ANKRD11: variants seen among roughly 807,000 people sequenced by gnomAD.
ANKRD11 encodes the protein ankyrin repeat domain-containing protein 11.
Under a neutral mutation model 195.7 loss-of-function variants are expected in ANKRD11, and 17 were observed. That is an observed-to-expected ratio of 0.09 (90% CI 0.06 to 0.13). The LOEUF (loss-of-function observed/expected upper bound fraction) is 0.13, where lower values mean the gene tolerates loss of function less well. Among genes scored for constraint, ANKRD11 ranks in the 10% least tolerant of loss-of-function variants. The probability of loss-of-function intolerance (pLI) is 1.00; values close to 1 mark genes in which losing one functional copy is unlikely to be tolerated. For synonymous variants in ANKRD11, 1,953 were observed against 1,528.1 expected (o/e 1.28, Z -6.49); for missense variants, 3,735 against 3,566.1 (o/e 1.05, Z -1.21).
In ANKRD11 at chr16:89,274,794, G is replaced by C. The variant is rs1360307511; in HGVS notation, c.7713+20C>G. 5.0e-6 allele frequency: 8 copies of C among 1,607,530 alleles called. No homozygotes were observed. Among genetic ancestry groups the C allele is most frequent in the Non-Finnish European group, 6.8e-6 (8 of 1,179,816 alleles). ...TGCAGGCACTTGGACTCATGGGCCTGGCATGCAGACGGGCCCTACCTGGCT... is the reference window on the plus strand; with the variant it reads ...TGCAGGCACTTGGACTCATGGGCCTCGCATGCAGACGGGCCCTACCTGGCT... On this transcript the variant is annotated intron_variant, in intron 11 of 12. Coordinates refer to ENST00000301030, the MANE Select transcript of ANKRD11 (RefSeq NM_013275.6).
At position 89,305,342 on chromosome 16, in the gene ANKRD11, A is replaced by G. The variant is rs2036122844; in HGVS notation, c.90T>C (p.Asp30=). 6.2e-7 allele frequency: 1 copy of G among 1,613,810 alleles called. No homozygotes were observed. The highest frequency in any genetic ancestry group is 1.7e-5 in the Admixed American group (1 of 59,988). ...DMVEKQTGKK[D]KDKVSLTKTP... is the part of the protein sequence containing the mutation. ...TCTTGGTTAGAGAAACTTTATCTTT[A>G]TCCTAGAAAAGAAAGGGATGCTTTC... The change falls in exon 4 of 13, where the codon GAT becomes GAC. Residue 30 remains aspartate (D), a splice_region_variant and synonymous_variant. Transcript: ENST00000301030.
intron 2 of ANKRD11, among the ~76,000 whole-genome samples, chr16:89,336,451 T>TA (rs1347346526): frequency 2.6e-5 from 4 of 152,072 alleles, no homozygotes; most frequent in Admixed American, 2.6e-4. Context: ...AGGGACCAGG[T>TA]GAACACTGAA....
At chr16:89,308,831 A>G (rs3096302) in intron 3 of ANKRD11, among the ~76,000 whole-genome samples, 135,850 of 152,222 alleles carry the variant, frequency 0.89, 60,712 homozygotes, top group Middle Eastern at 0.96. Flanking sequence ...GAGAACGGGG[A>G]CGTGCAGCAT....
At chr16:89,318,962 G>A (rs553440511) in intron 2 of ANKRD11, among the ~76,000 whole-genome samples, 1 of 152,116 alleles carries the variant, frequency 6.6e-6, no homozygotes, top group African/African-American at 2.4e-5. Flanking sequence ...CCACAAAACC[G>A]GAATGTCTCA....
intron 2 of ANKRD11, among the ~76,000 whole-genome samples, chr16:89,408,536 G>A (rs1304691446): frequency 1.3e-5 from 2 of 152,228 alleles, no homozygotes; most frequent in Non-Finnish European, 2.9e-5. Context: ...GCATCTGGCA[G>A]GAGTGTAACA....
At chr16:89,441,899 C>T (rs1303688515) in intron 1 of ANKRD11, among the ~76,000 whole-genome samples, 4 of 151,776 alleles carry the variant, frequency 2.6e-5, no homozygotes, top group Non-Finnish European at 5.9e-5. Flanking sequence ...ATGGCACTCA[C>T]CAAAAAGGCA....
intron 2 of ANKRD11, among the ~76,000 whole-genome samples, chr16:89,354,454 C>T (rs2039375895): frequency 6.6e-6 from 1 of 152,214 alleles, no homozygotes; most frequent in South Asian, 2.1e-4. Context: ...GCAGAGCCAG[C>T]CCACCTCCCT....
intron 1 of ANKRD11, among the ~76,000 whole-genome samples, chr16:89,452,779 C>CAA (rs11401095): frequency 0.03 from 2,181 of 72,490 alleles, 105 homozygotes; most frequent in African/African-American, 0.084. Flanking sequence ...GACTCTATCT[C>CAA]AAAAAAAAAA....
At chr16:89,269,247 TG>T (rs1428286661) in intron 12 of ANKRD11, among the ~76,000 whole-genome samples, 1 of 151,066 alleles carries the variant, frequency 6.6e-6, no homozygotes, top group Non-Finnish European at 1.5e-5. Flanking sequence ...CCTTGACCTC[TG>T]GGGCTCAAGG....
In ANKRD11 at chr16:89,355,280, C is replaced by T. The variant is rs536647450; in HGVS notation, c.-59-38202G>A. Among the ~76,000 whole-genome samples, 7 of 151,856 alleles carry T rather than the reference C, an allele frequency of 4.6e-5. No individual in the cohort carries two copies. In the East Asian group the frequency reaches 9.7e-4, roughly 21 times the overall value. ...GCTCGGAAGGCGGGCAGAGGGCTCA[C>T]ACCCTGAGGCTCGGAAGGCGGGCGG... On this transcript the variant is annotated intron_variant, in intron 2 of 12. Coordinates refer to ENST00000301030, the MANE Select transcript of ANKRD11 (RefSeq NM_013275.6).
At chr16:89,295,345 C>T (rs1374160801) in intron 4 of ANKRD11, among the ~76,000 whole-genome samples, 2 of 151,508 alleles carry the variant, frequency 1.3e-5, no homozygotes, top group East Asian at 2.0e-4. Flanking sequence ...CACCTGTGTC[C>T]GCTGACCTGA....
At chr16:89,480,024 ATG>A (rs2057392500) in intron 1 of ANKRD11, among the ~76,000 whole-genome samples, 2 of 146,464 alleles carry the variant, frequency 1.4e-5, no homozygotes, top group African/African-American at 5.0e-5. Flanking sequence ...GGCAGGAGAA[ATG>A]CTTGAACCCG....
intron 1 of ANKRD11, among the ~76,000 whole-genome samples, chr16:89,421,023 GCAGA>G (rs910674088): frequency 1.2e-4 from 18 of 152,390 alleles, no homozygotes; most frequent in African/African-American, 1.7e-4. Context: ...GAGGCTGAGT[GCAGA>G]CAGAGACCAT....
At position 89,374,772 on chromosome 16, in the gene ANKRD11, G is replaced by C. The variant is rs181873683; in HGVS notation, c.-60+43512C>G. Among the ~76,000 whole-genome samples, 92 of 152,300 alleles carry C rather than the reference G, an allele frequency of 6.0e-4. 2 individuals carry two copies. The highest frequency in any genetic ancestry group is 6.0e-3 in the Admixed American group (92 of 15,294). On this transcript the variant is annotated intron_variant, in intron 2 of 12. Transcript: ENST00000301030. ...GCTGAAGAACTCCATGATGAACGTG[G>C]ACACACACGTGTGCACAGAGCTGAC...
chr16:89,383,492 G>A (rs919601934), intron 2 of ANKRD11, among the ~76,000 whole-genome samples: 1 of 152,188 alleles, frequency 6.6e-6, no homozygotes, highest in African/African-American at 2.4e-5. Context: ...TCAAAACCTC[G>A]GGGCCATGTC....
rs1221037348 is a variant in ANKRD11 at position 89,274,810 on chromosome 16, C to G, written c.7713+4G>C. On this transcript the variant is annotated splice_donor_region_variant and intron_variant, in intron 11 of 12. Coordinates refer to ENST00000301030, the MANE Select transcript of ANKRD11 (RefSeq NM_013275.6). ...CATGGGCCTGGCATGCAGACGGGCC[C>G]TACCTGGCTCTCCAGGGGCATGTTG... 1 of 1,609,748 alleles carries G rather than the reference C, an allele frequency of 6.2e-7. No homozygotes were observed. Among genetic ancestry groups the G allele is most frequent in the Admixed American group, 1.7e-5 (1 of 60,020 alleles).
At chr16:89,464,607 T>TAA (rs377695519) in intron 1 of ANKRD11, among the ~76,000 whole-genome samples, 3,032 of 116,272 alleles carry the variant, frequency 0.026, 176 homozygotes, top group East Asian at 0.21. Context: ...GACTCCATCT[T>TAA]AAAAAAAAAA....
At chr16:89,426,567 A>ACACACACACACACAC (rs1555574377) in intron 1 of ANKRD11, among the ~76,000 whole-genome samples, 1 of 151,570 alleles carries the variant, frequency 6.6e-6, no homozygotes. Context: ...ACACACACAC[A>ACACACACACACACAC]AATCTGAAAT....
intron 1 of ANKRD11, among the ~76,000 whole-genome samples, chr16:89,487,956 G>GAAAA (rs10666903): frequency 2.8e-5 from 1 of 35,100 alleles, no homozygotes. Context: ...AGGGTGTGAT[G>GAAAA]GCACTGCTGG....
Sources: gnomAD v4.1 joint callset for allele counts (sites outside exome capture counted in the v4.1 genomes callset) on GRCh38, gnomAD v4.1.1 for gene constraint, MANE v1.5 for transcripts, NCBI Gene and HGNC (gene_info 2026-07-23, HGNC 2026-07-21) for gene names.